Variants in DSCAM observed in about 807,000 individuals in gnomAD.
DSCAM encodes the protein cell adhesion molecule DSCAM.
In DSCAM, 47 loss-of-function variants were observed where a neutral mutation model predicts 217.7. That is an observed-to-expected ratio of 0.22 (90% CI 0.17 to 0.28). The LOEUF (loss-of-function observed/expected upper bound fraction) is 0.28, where lower values mean the gene tolerates loss of function less well. DSCAM is among the 10% of genes least tolerant of loss of function. The pLI, the probability that DSCAM is intolerant of heterozygous loss-of-function variation, is 1.00. For synonymous variants in DSCAM, 1,056 were observed against 1,015.3 expected, an observed-to-expected ratio of 1.04 and a Z score of -0.76; for missense variants, 2,080 against 2,618.3, an observed-to-expected ratio of 0.79 and a Z score of 4.49.
intron 11 of DSCAM, among the ~76,000 whole-genome samples, chr21:40,226,508 G>A (rs1034468165): frequency 1.3e-5 from 2 of 152,026 alleles, no homozygotes; most frequent in East Asian, 1.9e-4. Flanking sequence ...ATTTGGCTAC[G>A]AAATGAAAGA....
chr21:40,711,721 T>C (rs1226197015), intron 1 of DSCAM, among the ~76,000 whole-genome samples: 1 of 152,162 alleles, frequency 6.6e-6, no homozygotes, highest in Non-Finnish European at 1.5e-5. Flanking sequence ...CAAAGGTGGC[T>C]CCACAAGCCT....
chr21:40,540,640 C>G (rs1389600231), intron 3 of DSCAM, among the ~76,000 whole-genome samples: 1 of 152,060 alleles, frequency 6.6e-6, no homozygotes, highest in Non-Finnish European at 1.5e-5. Flanking sequence ...AATAAACAAA[C>G]ATGAACAAAA....
Position 40,136,960 on chromosome 21 carries a change from G to A in DSCAM, c.3407-2951C>T, listed in dbSNP as rs1320660120. Among the ~76,000 whole-genome samples, 5 of 152,164 alleles carry A rather than the reference G, an allele frequency of 3.3e-5. No homozygotes were observed. The East Asian group carries it at 9.7e-4, about 29-fold the overall frequency. ...GAGGCCAAGGCGGGTGGATCACGAG[G>A]TCAAGACATCGAGACCATCCTGGCT... On this transcript the variant is annotated intron_variant, in intron 18 of 32. Coordinates refer to ENST00000400454, the MANE Select transcript of DSCAM (RefSeq NM_001389.5).
rs531457242 is a variant in DSCAM, at chr21:40,225,365, C to T, written c.2357-36127G>A. On this transcript the variant is annotated intron_variant, in intron 11 of 32. Transcript: ENST00000400454. Reference sequence around the variant, plus strand: ...TTGTGTTTAGAAGCTCATTGCCATCCCAGCCTCTTCCCCCAGCGATCTCAG... The same window carrying T: ...TTGTGTTTAGAAGCTCATTGCCATCTCAGCCTCTTCCCCCAGCGATCTCAG... Among the ~76,000 whole-genome samples the T allele has an allele frequency of 8.5e-5, 13 of 152,280 alleles. 1 individual carries two copies. In the South Asian group the frequency reaches 2.1e-3, roughly 24 times the overall value.
intron 32 of DSCAM, among the ~76,000 whole-genome samples, chr21:40,019,104 C>T (rs565296167): frequency 6.6e-6 from 1 of 152,332 alleles, no homozygotes; most frequent in Non-Finnish European, 1.5e-5. Context: ...TCTTTAAAAC[C>T]CCAGCCCATG....
chr21:40,239,297 T>C lies in DSCAM; in HGVS notation c.2356+36800A>G, dbSNP rs1365421124. 2.0e-5 allele frequency among the ~76,000 whole-genome samples: 3 copies of C among 152,190 alleles called. 1 individual carries two copies. The highest frequency in any genetic ancestry group is 7.2e-5 in the African/African-American group (3 of 41,438). On this transcript the variant is annotated intron_variant, in intron 11 of 32. Transcript: ENST00000400454. ...GATAGTACATGCTGGAAATATAATT[T>C]TGATATCACAAGTTTCTTAGGAAAA...
At position 40,064,732 on chromosome 21, in the gene DSCAM, A is replaced by C. The variant is rs568266432; in HGVS notation, c.4889-1833T>G. On this transcript the variant is annotated intron_variant, in intron 27 of 32. Coordinates refer to ENST00000400454, the MANE Select transcript of DSCAM (RefSeq NM_001389.5). Reference sequence around the variant, plus strand: ...CATCGGAATTATGAGCCCATTTGAGAAGTAAAGTCTAGGTCAATTTGACTG... The same window carrying C: ...CATCGGAATTATGAGCCCATTTGAGCAGTAAAGTCTAGGTCAATTTGACTG... Among the ~76,000 whole-genome samples, 38 of 152,298 alleles carry C rather than the reference A, an allele frequency of 2.5e-4. No homozygotes were observed. The South Asian group carries it at 7.9e-3, about 32-fold the overall frequency.
chr21:40,500,982 A>C (rs1346841669), intron 3 of DSCAM, among the ~76,000 whole-genome samples: 1 of 152,206 alleles, frequency 6.6e-6, no homozygotes, highest in Non-Finnish European at 1.5e-5. Context: ...TTTTAAAGAG[A>C]GCAAGCTCAA....
At chr21:40,646,075 C>T (rs553048818) in intron 3 of DSCAM, among the ~76,000 whole-genome samples, 1 of 152,116 alleles carries the variant, frequency 6.6e-6, no homozygotes, top group Non-Finnish European at 1.5e-5. Flanking sequence ...GGCTGTGAAA[C>T]TAGGATTGAA....
In DSCAM at chr21:40,504,490, G is replaced by T. The variant is rs760314490; in HGVS notation, c.509-135245C>A. ...CGATGTGGAATACTGTGGTTAGCGG[G>T]CATTACATTAAAATATACAGGATAC... On this transcript the variant is annotated intron_variant, in intron 3 of 32. Coordinates refer to ENST00000400454, the MANE Select transcript of DSCAM (RefSeq NM_001389.5). Among the ~76,000 whole-genome samples the T allele has an allele frequency of 7.4e-4, 112 of 152,168 alleles. 1 individual carries two copies. The highest frequency in any genetic ancestry group is 2.1e-4 in the Non-Finnish European group (14 of 68,032).
chr21:40,368,870 G>A (rs912763374), intron 4 of DSCAM, among the ~76,000 whole-genome samples: 12 of 152,170 alleles, frequency 7.9e-5, no homozygotes, highest in African/African-American at 2.4e-4. Context: ...AAATGCTAAC[G>A]CATCATTATG....
At chr21:40,427,912 A>C (rs2075491180) in intron 3 of DSCAM, among the ~76,000 whole-genome samples, 1 of 152,170 alleles carries the variant, frequency 6.6e-6, no homozygotes, top group South Asian at 2.1e-4. Context: ...ATTTTTTTAA[A>C]GGGAATTTCC....
chr21:40,687,037 G>A (rs1401597553), intron 3 of DSCAM, among the ~76,000 whole-genome samples: 2 of 152,138 alleles, frequency 1.3e-5, no homozygotes. Context: ...ATTCCAGTCT[G>A]ATGTGCACGT....
At chr21:40,035,684 C>A in intron 32 of DSCAM, among the ~76,000 whole-genome samples, 1 of 150,708 alleles carries the variant, frequency 6.6e-6, no homozygotes, top group Non-Finnish European at 1.5e-5. Flanking sequence ...ATCTACAGAA[C>A]TCTCCACCCC....
chr21:40,283,073 T>G (rs1331391397), intron 10 of DSCAM, among the ~76,000 whole-genome samples: 1 of 152,234 alleles, frequency 6.6e-6, no homozygotes, highest in Admixed American at 6.5e-5. Flanking sequence ...AACTGATTCA[T>G]CTACTATGAG....
chr21:40,361,341 C>T (rs1361755549), intron 4 of DSCAM, among the ~76,000 whole-genome samples: 1 of 152,100 alleles, frequency 6.6e-6, no homozygotes, highest in Non-Finnish European at 1.5e-5. Flanking sequence ...AAACTATAGG[C>T]TGGGTGCAGC....
intron 24 of DSCAM, among the ~76,000 whole-genome samples, chr21:40,081,985 C>T (rs1011250789): frequency 2.0e-5 from 3 of 152,182 alleles, no homozygotes; most frequent in Admixed American, 1.3e-4. Context: ...TAGGGTCCCT[C>T]GAGCCCATCC....
chr21:40,599,977 CA>C (rs539030657), intron 3 of DSCAM, among the ~76,000 whole-genome samples: 3 of 152,054 alleles, frequency 2.0e-5, no homozygotes, highest in South Asian at 2.1e-4. Flanking sequence ...GCCTACCAAC[CA>C]AAAAAAGCCC....
intron 11 of DSCAM, among the ~76,000 whole-genome samples, chr21:40,256,499 C>A (rs2073374350): frequency 6.6e-6 from 1 of 151,924 alleles, no homozygotes; most frequent in Admixed American, 6.6e-5. Context: ...AGGAACCACT[C>A]CATGAAATTG....
Sources: gnomAD v4.1 joint callset for allele counts (sites outside exome capture counted in the v4.1 genomes callset) on GRCh38, gnomAD v4.1.1 for gene constraint, MANE v1.5 for transcripts, NCBI Gene and HGNC (gene_info 2026-07-23, HGNC 2026-07-21) for gene names.